NOL4: variants seen among roughly 807,000 people sequenced by gnomAD.
NOL4 encodes the protein nucleolar protein 4.
Under a neutral mutation model 75.9 loss-of-function variants are expected in NOL4, and 17 were observed. The observed-to-expected ratio is 0.22, with a 90% confidence interval of 0.15 to 0.34. The LOEUF (loss-of-function observed/expected upper bound fraction) is 0.34, where lower values mean the gene tolerates loss of function less well. Ranked by LOEUF, NOL4 falls within the 10% of genes least tolerant of loss-of-function variation. NOL4 has a pLI of 1.00. For synonymous variants in NOL4, 292 were observed against 289.9 expected, an observed-to-expected ratio of 1.01 and a Z score of -0.07; for missense variants, 614 against 793.5, an observed-to-expected ratio of 0.77 and a Z score of 2.72.
chr18:33,993,225 G>T (rs903405103), intron 6 of NOL4, among the ~76,000 whole-genome samples: 1 of 151,894 alleles, frequency 6.6e-6, no homozygotes, highest in Admixed American at 6.6e-5. Flanking sequence ...CCAGTGCATT[G>T]TTGAAAATAA....
intron 1 of NOL4, among the ~76,000 whole-genome samples, chr18:34,190,110 T>C (rs2146395445): frequency 6.6e-6 from 1 of 151,622 alleles, no homozygotes; most frequent in East Asian, 1.9e-4. Context: ...ATTAGATCTT[T>C]TGCATATAGA....
intron 5 of NOL4, among the ~76,000 whole-genome samples, chr18:34,042,078 T>C (rs2076166037): frequency 1.3e-5 from 2 of 152,014 alleles, no homozygotes; most frequent in African/African-American, 4.8e-5. Flanking sequence ...TTTCTATAAA[T>C]ACAAAGTTCT....
At chr18:34,172,919 T>C (rs1269020821) in intron 1 of NOL4, among the ~76,000 whole-genome samples, 1 of 152,112 alleles carries the variant, frequency 6.6e-6, no homozygotes, top group Non-Finnish European at 1.5e-5. Flanking sequence ...TTGTAAGGTA[T>C]ATGATATGAA....
chr18:34,060,885 T>C (rs1482748038), intron 5 of NOL4, among the ~76,000 whole-genome samples: 3 of 152,216 alleles, frequency 2.0e-5, no homozygotes, highest in Admixed American at 6.5e-5. Flanking sequence ...ATCATCCATA[T>C]GAAATTCCCT....
chr18:34,168,169 C>T (rs1046964049), intron 1 of NOL4, among the ~76,000 whole-genome samples: 30 of 151,724 alleles, frequency 2.0e-4, no homozygotes, highest in African/African-American at 7.3e-4. Flanking sequence ...ACACCTAGAA[C>T]ATTGCAATGA....
intron 5 of NOL4, among the ~76,000 whole-genome samples, chr18:34,090,998 G>C (rs1380298459): frequency 6.6e-6 from 1 of 151,970 alleles, no homozygotes; most frequent in Non-Finnish European, 1.5e-5. Context: ...GTATTAAGAG[G>C]TATGGCCTTT....
intron 5 of NOL4, chr18:34,023,309 G>A: frequency 2.4e-6 from 1 of 414,210 alleles, no homozygotes; most frequent in Non-Finnish European, 5.0e-6. Flanking sequence ...ATGTAATCAT[G>A]TTAACCATTT....
At chr18:34,121,901 T>C (rs1405630534) in intron 2 of NOL4, among the ~76,000 whole-genome samples, 1 of 152,188 alleles carries the variant, frequency 6.6e-6, no homozygotes, top group African/African-American at 2.4e-5. Flanking sequence ...TCAAAAGGCC[T>C]GGAGTACTTG....
At chr18:34,061,999 C>T (rs1028426744) in intron 5 of NOL4, among the ~76,000 whole-genome samples, 9 of 151,758 alleles carry the variant, frequency 5.9e-5, no homozygotes, top group African/African-American at 2.2e-4. Flanking sequence ...CTGAGAGAGA[C>T]GTTAAGCCTA....
At chr18:33,923,548 TAA>T (rs1440501595) in intron 9 of NOL4, among the ~76,000 whole-genome samples, 1 of 152,092 alleles carries the variant, frequency 6.6e-6, no homozygotes, top group Admixed American at 6.5e-5. Context: ...ACATTTATGC[TAA>T]GTTTAGGCTA....
intron 10 of NOL4, among the ~76,000 whole-genome samples, chr18:33,862,662 A>G (rs2063211392): frequency 6.6e-6 from 1 of 152,242 alleles, no homozygotes; most frequent in African/African-American, 2.4e-5. Context: ...CAAAAAACAC[A>G]TGAAAAAATG....
intron 8 of NOL4, among the ~76,000 whole-genome samples, chr18:33,945,043 CA>C (rs1169046916): frequency 2.0e-5 from 3 of 151,768 alleles, no homozygotes; most frequent in African/African-American, 2.4e-5. Context: ...ATTACATTAT[CA>C]AAAAATAAAA....
rs528703125 is a variant in NOL4, at chr18:34,086,202, G to A, written c.772+7263C>T. On this transcript the variant is annotated intron_variant, in intron 5 of 10. Coordinates refer to ENST00000261592, the MANE Select transcript of NOL4 (RefSeq NM_003787.5). ...ATCATTTTTAGGTATTTTAAGTCCA[G>A]AAGTGTATGCAAATTAAAAAGTGAG... Among the ~76,000 whole-genome samples the A allele has an allele frequency of 7.2e-5, 11 of 152,180 alleles. No individual in the cohort carries two copies. In the South Asian group the frequency reaches 2.3e-3, roughly 32 times the overall value.
At chr18:34,027,940 A>G (rs2075429366) in intron 5 of NOL4, among the ~76,000 whole-genome samples, 1 of 152,232 alleles carries the variant, frequency 6.6e-6, no homozygotes, top group Non-Finnish European at 1.5e-5. Flanking sequence ...GTAGTGGTAT[A>G]TATATTCATT....
intron 6 of NOL4, among the ~76,000 whole-genome samples, chr18:34,008,533 A>G (rs1238507164): frequency 6.6e-6 from 1 of 151,964 alleles, no homozygotes; most frequent in East Asian, 1.9e-4. Context: ...ACTTTAAAAT[A>G]TTTGTCTCAT....
chr18:34,217,582 T>C (rs2036992875), intron 1 of NOL4, among the ~76,000 whole-genome samples: 1 of 152,148 alleles, frequency 6.6e-6, no homozygotes, highest in African/African-American at 2.4e-5. Flanking sequence ...CCACCGCGCT[T>C]GACCTTGTAT....
intron 1 of NOL4, among the ~76,000 whole-genome samples, chr18:34,134,178 A>T (rs2080785661): frequency 1.3e-5 from 2 of 152,130 alleles, no homozygotes; most frequent in Admixed American, 1.3e-4. Flanking sequence ...GCCATAGAAC[A>T]AAATATATAT....
chr18:34,009,457 T>C (rs577067993), intron 6 of NOL4, among the ~76,000 whole-genome samples: 7 of 152,112 alleles, frequency 4.6e-5, no homozygotes, highest in Non-Finnish European at 7.4e-5. Flanking sequence ...ATGGAAGACA[T>C]TTTTGCAAGA....
intron 1 of NOL4, among the ~76,000 whole-genome samples, chr18:34,160,911 A>T (rs773616877): frequency 1.6e-4 from 25 of 152,290 alleles, no homozygotes; most frequent in Non-Finnish European, 3.2e-4. Flanking sequence ...AAAACATTAG[A>T]AGTTATTCCT....
Sources: allele counts gnomAD v4.1 joint callset (sites outside exome capture counted in the v4.1 genomes callset), GRCh38; gene constraint gnomAD v4.1.1; transcripts MANE v1.5; gene names NCBI Gene and HGNC (gene_info 2026-07-23, HGNC 2026-07-21).